Variants in GRIN3A observed in about 807,000 individuals in gnomAD.
The protein encoded by GRIN3A is glutamate receptor ionotropic, NMDA 3A.
A neutral mutation model predicts 92.4 loss-of-function variants in GRIN3A; 47 were observed. The observed-to-expected ratio is 0.51, with a 90% confidence interval of 0.40 to 0.65. The LOEUF (loss-of-function observed/expected upper bound fraction) is 0.65, where lower values mean the gene tolerates loss of function less well. GRIN3A is among the 30% of genes least tolerant of loss of function. The pLI is 0.00. For synonymous variants in GRIN3A, 527 were observed against 540.6 expected (o/e 0.97, Z 0.35); for missense variants, 1,324 against 1,393.1 (o/e 0.95, Z 0.79).
intron 6 of GRIN3A, among the ~76,000 whole-genome samples, chr9:101,606,519 G>C (rs1828283229): frequency 6.6e-6 from 1 of 152,068 alleles, no homozygotes; most frequent in Non-Finnish European, 1.5e-5. Context: ...TTTGAACCTA[G>C]ATGTGGTAAT....
chr9:101,728,842 A>G (rs944281698), intron 1 of GRIN3A, among the ~76,000 whole-genome samples: 1 of 152,206 alleles, frequency 6.6e-6, no homozygotes, highest in African/African-American at 2.4e-5. Context: ...TATAGTCCGC[A>G]TCCAGTAAAA....
At chr9:101,674,882 G>A (rs1356441645) in intron 2 of GRIN3A, among the ~76,000 whole-genome samples, 1 of 152,010 alleles carries the variant, frequency 6.6e-6, no homozygotes, top group Non-Finnish European at 1.5e-5. Context: ...GGGAAAGCAG[G>A]TTGAAACTAG....
At chr9:101,611,664 T>C (rs1828369998) in intron 6 of GRIN3A, among the ~76,000 whole-genome samples, 2 of 152,206 alleles carry the variant, frequency 1.3e-5, no homozygotes, top group South Asian at 4.1e-4. Context: ...GACAATACAA[T>C]TGTAAACAAA....
Position 101,671,091 on chromosome 9 carries a change from T to G in GRIN3A, c.1321A>C (p.Thr441Pro), listed in dbSNP as rs773342129. 18 of 1,613,508 alleles carry G rather than the reference T, an allele frequency of 1.1e-5. No individual in the cohort carries two copies. Among genetic ancestry groups the G allele is most frequent in the Non-Finnish European group, 1.5e-5 (18 of 1,179,516 alleles). ...ATGGAACCACTGAGGCCTCTGAAAGTGGTATTGGCTAGAAACCTGGGAAAG... is the reference window on the plus strand; with the variant it reads ...ATGGAACCACTGAGGCCTCTGAAAGGGGTATTGGCTAGAAACCTGGGAAAG... The part of the protein sequence containing the change: ...QYLSRFLANT[T>P]FRGLSGSIRV... The change falls in exon 3 of 9, where the codon ACT (threonine) becomes CCT (proline). Residue 441 changes from threonine (T) to proline (P), a missense_variant. Coordinates refer to ENST00000361820, the MANE Select transcript of GRIN3A (RefSeq NM_133445.3).
At chr9:101,684,105 T>G (rs1342708446) in intron 2 of GRIN3A, among the ~76,000 whole-genome samples, 1 of 150,186 alleles carries the variant, frequency 6.7e-6, no homozygotes, top group Non-Finnish European at 1.5e-5. Context: ...TTTCTTTCTT[T>G]CTTTCTTTCT....
chr9:101,648,552 G>A (rs1407416890), intron 3 of GRIN3A, among the ~76,000 whole-genome samples: 1 of 151,974 alleles, frequency 6.6e-6, no homozygotes. Context: ...TGGTGAAAGT[G>A]GGATCCTGAA....
intron 5 of GRIN3A, among the ~76,000 whole-genome samples, chr9:101,616,159 G>T (rs977603464): frequency 2.0e-5 from 3 of 152,180 alleles, no homozygotes; most frequent in Admixed American, 2.0e-4. Flanking sequence ...ATGAATAAAT[G>T]AATGTGTGAG....
chr9:101,668,278 G>A (rs185852528), intron 3 of GRIN3A, among the ~76,000 whole-genome samples: 20 of 151,824 alleles, frequency 1.3e-4, no homozygotes, highest in Admixed American at 1.2e-3. Context: ...GCAATCACTC[G>A]TTCTGATAAA....
At chr9:101,597,018 G>A (rs971244207) in intron 6 of GRIN3A, among the ~76,000 whole-genome samples, 1 of 152,192 alleles carries the variant, frequency 6.6e-6, no homozygotes, top group Non-Finnish European at 1.5e-5. Flanking sequence ...GCAAGGAGTT[G>A]GGCCCATTGA....
chr9:101,611,623 A>T (rs1014913247), intron 6 of GRIN3A, among the ~76,000 whole-genome samples: 2 of 152,192 alleles, frequency 1.3e-5, no homozygotes, highest in African/African-American at 2.4e-5. Context: ...TTCCACAATC[A>T]CTTACTGAGT....
intron 2 of GRIN3A, among the ~76,000 whole-genome samples, chr9:101,671,394 T>C (rs1588276092): frequency 6.6e-6 from 1 of 152,288 alleles, no homozygotes; most frequent in East Asian, 1.9e-4. Context: ...AGTTAAGAGA[T>C]GTGTTAACCA....
chr9:101,646,158 C>T (rs967899593), intron 3 of GRIN3A, among the ~76,000 whole-genome samples: 1 of 151,788 alleles, frequency 6.6e-6, no homozygotes, highest in African/African-American at 2.4e-5. Context: ...AGACCAATGT[C>T]CTGAAGCATT....
At chr9:101,616,614 G>A (rs950482065) in intron 5 of GRIN3A, among the ~76,000 whole-genome samples, 1 of 151,292 alleles carries the variant, frequency 6.6e-6, no homozygotes, top group East Asian at 2.0e-4. Flanking sequence ...CACATCTCAA[G>A]CCTTTTTCTT....
At position 101,737,290 on chromosome 9, in the gene GRIN3A, C is replaced by T. The variant is rs368705360; in HGVS notation, c.690G>A (p.Arg230=). The change falls in exon 1 of 9, where the codon CGG becomes CGA. Residue 230 remains arginine (R), a synonymous_variant. Coordinates refer to ENST00000361820, the MANE Select transcript of GRIN3A (RefSeq NM_133445.3). ...ACCAGGCTCCTCTCACCTGACTCTCCCGTGGAAACTCGTGGCGCACGATGC... is the reference window on the plus strand; with the variant it reads ...ACCAGGCTCCTCTCACCTGACTCTCTCGTGGAAACTCGTGGCGCACGATGC... ...VISIVRHEFP[R]ESQNPLHLQL... is the part of the protein sequence containing the mutation. 25 of 1,613,996 alleles carry T rather than the reference C, an allele frequency of 1.5e-5. No homozygotes were observed. The highest frequency in any genetic ancestry group is 2.7e-5 in the African/African-American group (2 of 74,924).
At chr9:101,659,421 CTATG>C (rs1443875250) in intron 3 of GRIN3A, among the ~76,000 whole-genome samples, 6 of 135,334 alleles carry the variant, frequency 4.4e-5, no homozygotes, top group African/African-American at 1.6e-4. Context: ...TAGAAAGTAT[CTATG>C]TATTTATTTA....
intron 2 of GRIN3A, among the ~76,000 whole-genome samples, chr9:101,680,068 C>A (rs1248946089): frequency 6.6e-6 from 1 of 152,186 alleles, no homozygotes; most frequent in East Asian, 1.9e-4. Flanking sequence ...TCTTCCCCTG[C>A]AAAGTAGTAG....
chr9:101,584,449 A>G (rs1827925611), intron 6 of GRIN3A, among the ~76,000 whole-genome samples: 1 of 152,246 alleles, frequency 6.6e-6, no homozygotes, highest in South Asian at 2.1e-4. Flanking sequence ...CCAACAAATT[A>G]TGCACTATAC....
intron 1 of GRIN3A, among the ~76,000 whole-genome samples, chr9:101,707,782 C>G (rs899405752): frequency 2.0e-5 from 3 of 152,086 alleles, no homozygotes; most frequent in Non-Finnish European, 2.9e-5. Flanking sequence ...TAGTGGATAG[C>G]GAAGTTTGGC....
rs199945164 is a variant in GRIN3A at position 101,573,346 on chromosome 9, C to T, written c.3176G>A (p.Arg1059Gln). The change falls in exon 9 of 9, where the codon CGG becomes CAG. Residue 1059 changes from arginine to glutamine, a missense_variant. Transcript: ENST00000361820. ...GGAGTCTGCTTTCCCATTGGTGGTC[C>T]GCAAGGCAGGGAGCTCTCTTCTCCT... is the stretch of plus-strand genomic sequence containing the variant. ...PPRRRELPAL[R>Q]TTNGKADSLN... 56 of 1,614,000 alleles carry T rather than the reference C, an allele frequency of 3.5e-5. No individual in the cohort carries two copies. The highest frequency in any genetic ancestry group is 1.3e-4 in the East Asian group (6 of 44,870).
Sources: gnomAD v4.1 joint callset for allele counts (sites outside exome capture counted in the v4.1 genomes callset) on GRCh38, gnomAD v4.1.1 for gene constraint, MANE v1.5 for transcripts, NCBI Gene and HGNC (gene_info 2026-07-23, HGNC 2026-07-21) for gene names.